MAP3K20: variants seen among roughly 807,000 people sequenced by gnomAD.
MAP3K20 encodes HCCS-4.
A neutral mutation model predicts 85.7 loss-of-function variants in MAP3K20; 40 were observed. The observed-to-expected ratio is 0.47, with a 90% CI of 0.36 to 0.61. The LOEUF is 0.61. Among genes scored for constraint, MAP3K20 ranks in the 20% least tolerant of loss-of-function variants. The pLI, the probability that MAP3K20 is intolerant of heterozygous loss-of-function variation, is 0.00. For missense variants in MAP3K20, 817 were observed against 961.7 expected (o/e 0.85, Z 1.99); for synonymous variants, 325 against 327.7 (o/e 0.99, Z 0.09).
chr2:173,246,280 A>G (rs930431692), intron 16 of MAP3K20, among the ~76,000 whole-genome samples: 1 of 152,198 alleles, frequency 6.6e-6, no homozygotes, highest in African/African-American at 2.4e-5. Context: ...GTCCTCCAAA[A>G]TAAGGATATT....
chr2:173,244,057 A>G (rs1396615345), intron 16 of MAP3K20, among the ~76,000 whole-genome samples: 1 of 152,216 alleles, frequency 6.6e-6, no homozygotes, highest in East Asian at 1.9e-4. Context: ...CAAAGCGCTG[A>G]GCCTGTGACA....
chr2:173,093,348 C>T (rs539841426), intron 2 of MAP3K20, among the ~76,000 whole-genome samples: 7 of 152,162 alleles, frequency 4.6e-5, no homozygotes, highest in African/African-American at 7.2e-5. Flanking sequence ...ATAAAATGTT[C>T]GCAGCTCATT....
chr2:173,127,583 A>G (rs1688478459), intron 2 of MAP3K20, among the ~76,000 whole-genome samples: 1 of 152,246 alleles, frequency 6.6e-6, no homozygotes, highest in Admixed American at 6.5e-5. Context: ...TTTACAGTAA[A>G]TAAACCGAAC....
intron 2 of MAP3K20, among the ~76,000 whole-genome samples, chr2:173,154,585 T>C (rs1013860830): frequency 6.6e-6 from 1 of 152,246 alleles, no homozygotes. Flanking sequence ...ATGGTTGTTA[T>C]GTGGCATCTT....
At chr2:173,200,921 C>T (rs1213808731) in intron 8 of MAP3K20, among the ~76,000 whole-genome samples, 2 of 152,142 alleles carry the variant, frequency 1.3e-5, no homozygotes, top group Non-Finnish European at 1.5e-5. Context: ...CATGAGCCAA[C>T]GTGCCCGGCC....
intron 16 of MAP3K20, among the ~76,000 whole-genome samples, chr2:173,246,567 C>T (rs1200034591): frequency 1.3e-5 from 2 of 152,168 alleles, no homozygotes; most frequent in Admixed American, 1.3e-4. Flanking sequence ...ACTATCAAAT[C>T]ACCCAGCAGT....
In MAP3K20 at chr2:173,126,482, C is replaced by T. The variant is rs548279191; in HGVS notation, c.159+35292C>T. 1.3e-3 allele frequency among the ~76,000 whole-genome samples: 201 copies of T among 152,218 alleles called. 1 individual carries two copies. Among genetic ancestry groups the T allele is most frequent in the African/African-American group, 4.4e-3 (184 of 41,538 alleles). ...GCAACCTCCACCTCCCAGGTTCAAG[C>T]GATTCTCATGCCTCAGCCTCCCAAG... On this transcript the variant is annotated intron_variant, in intron 2 of 19. Transcript: ENST00000375213.
intron 11 of MAP3K20, chr2:173,224,818 ACT>A (rs1684340219): frequency 1.0e-6 from 1 of 984,816 alleles, no homozygotes. Context: ...AAGACTTTAG[ACT>A]CTATTAATTT....
intron 2 of MAP3K20, among the ~76,000 whole-genome samples, chr2:173,142,613 C>CCA (rs1689009331): frequency 1.3e-5 from 2 of 151,682 alleles, no homozygotes; most frequent in Non-Finnish European, 2.9e-5. Flanking sequence ...CTTAGAGCAA[C>CCA]CACTACCTAC....
chr2:173,255,546 C>T (rs901146971), intron 16 of MAP3K20, among the ~76,000 whole-genome samples: 1 of 152,208 alleles, frequency 6.6e-6, no homozygotes, highest in African/African-American at 2.4e-5. Context: ...AAGTGCCCAG[C>T]AACATGCCTA....
At chr2:173,224,768 A>T in intron 11 of MAP3K20, 1 of 985,376 alleles carries the variant, frequency 1.0e-6, no homozygotes, top group South Asian at 4.7e-5. Context: ...ATATAATCAG[A>T]ATTCTATAGT....
chr2:173,214,779 T>G (rs528977879), intron 10 of MAP3K20, among the ~76,000 whole-genome samples: 1 of 152,350 alleles, frequency 6.6e-6, no homozygotes, highest in South Asian at 2.1e-4. Context: ...CTAAGACATT[T>G]AAACTATATT....
At chr2:173,187,227 G>A (rs1016179543) in intron 4 of MAP3K20, among the ~76,000 whole-genome samples, 3 of 152,164 alleles carry the variant, frequency 2.0e-5, no homozygotes, top group Admixed American at 1.3e-4. Context: ...AGTTGGTAGC[G>A]GAATACCTTA....
intron 2 of MAP3K20, among the ~76,000 whole-genome samples, chr2:173,092,137 A>G (rs150183785): frequency 6.6e-6 from 1 of 152,152 alleles, no homozygotes; most frequent in African/African-American, 2.4e-5. Context: ...GCACTTTGTG[A>G]GTTTCCTCCC....
chr2:173,221,294 A>G (rs1288446953), intron 11 of MAP3K20: 3 of 1,614,088 alleles, frequency 1.9e-6, no homozygotes, highest in Non-Finnish European at 2.5e-6. Context: ...TCTGCAGGCC[A>G]TGATGCTGAT....
intron 10 of MAP3K20, chr2:173,210,895 T>C (rs1683871689): frequency 6.6e-6 from 1 of 152,210 alleles, no homozygotes; most frequent in South Asian, 2.1e-4. Flanking sequence ...ATAACCTTAT[T>C]TATTTTTATT....
intron 2 of MAP3K20, chr2:173,166,826 C>G (rs982773047): frequency 6.6e-6 from 1 of 152,012 alleles, no homozygotes; most frequent in Admixed American, 6.6e-5. Context: ...CTAGATTATC[C>G]CAGAATATAA....
chr2:173,260,365 C>A (rs1440757164), intron 17 of MAP3K20, among the ~76,000 whole-genome samples: 1 of 152,314 alleles, frequency 6.6e-6, no homozygotes, highest in South Asian at 2.1e-4. Flanking sequence ...GAGACTCAGT[C>A]TCAAAGAAAA....
At chr2:173,116,178 A>G (rs183145246) in intron 2 of MAP3K20, among the ~76,000 whole-genome samples, 21 of 152,216 alleles carry the variant, frequency 1.4e-4, no homozygotes, top group South Asian at 6.2e-4. Flanking sequence ...TTGACAAGTA[A>G]AATGGTATAT....
Sources: gnomAD v4.1 joint callset for allele counts (sites outside exome capture counted in the v4.1 genomes callset) on GRCh38, gnomAD v4.1.1 for gene constraint, MANE v1.5 for transcripts, NCBI Gene and HGNC (gene_info 2026-07-23, HGNC 2026-07-21) for gene names.